BPI: variants seen among roughly 807,000 people sequenced by gnomAD.
BPI encodes the protein bactericidal permeability increasing protein.
In BPI, 48 loss-of-function variants were observed where a neutral mutation model predicts 57.6. The observed-to-expected ratio is 0.83, with a 90% CI of 0.66 to 1.06. The LOEUF is 1.06. Ranked by LOEUF, BPI falls within the 50% of genes least tolerant of loss-of-function variation. The pLI is 0.00. For synonymous variants in BPI, 237 were observed against 238.2 expected (o/e 0.99, Z 0.05); for missense variants, 651 against 609.7 (o/e 1.07, Z -0.71).
chr20:38,313,783 G>T (rs1014544293), intron 5 of BPI, among the ~76,000 whole-genome samples: 1 of 142,780 alleles, frequency 7.0e-6, no homozygotes, highest in African/African-American at 2.5e-5. Flanking sequence ...TGAGGTTGAT[G>T]ATGGTGATGG....
intron 14 of BPI, 110 bp downstream of exon 14, chr20:38,335,784 C>T: frequency 1.9e-6 from 2 of 1,030,742 alleles, no homozygotes; most frequent in Non-Finnish European, 2.9e-6. Context: ...GCCTTCTACC[C>T]TTACAACAAC....
intron 7 of BPI, among the ~76,000 whole-genome samples, chr20:38,322,086 T>C (rs62201522): frequency 0.041 from 6,291 of 152,292 alleles, 386 homozygotes; most frequent in East Asian, 0.3. Flanking sequence ...ATCCATGAAA[T>C]GTCCTCTTGC....
intron 5 of BPI, among the ~76,000 whole-genome samples, chr20:38,314,603 AATGGTG>A (rs1456362470): frequency 5.3e-5 from 2 of 37,920 alleles, no homozygotes; most frequent in African/African-American, 2.2e-4. Context: ...TGATGATAAT[AATGGTG>A]ATGGTGATGG....
Position 38,323,874 on chromosome 20 carries a change from AG to A in BPI, c.762del (p.Glu254AspfsTer17). 1 of 1,613,308 alleles carries A rather than the reference AG, an allele frequency of 6.2e-7. No homozygotes were observed. Among genetic ancestry groups the A allele is most frequent in the Non-Finnish European group, 8.5e-7 (1 of 1,179,688 alleles). On this transcript the variant is annotated frameshift_variant, in exon 8 of 15. Transcript: ENST00000642449. LOFTEE classifies it high-confidence loss of function. ...CTCTGTTGCCTCTACCCCCAGGGGG[AG>A]TTTTACAGTGAGAACCACCACAATC... ...AETLDVQMKG[E>X]FYSENHHNPP... is the part of the protein sequence containing the mutation.
intron 7 of BPI, 72 bp downstream of exon 7, chr20:38,320,346 G>A (rs976860215): frequency 4.4e-5 from 61 of 1,395,884 alleles, no homozygotes; most frequent in Middle Eastern, 2.4e-4. Context: ...CCAGTCCTTG[G>A]AAACAAACTT....
At chr20:38,320,443 G>A (rs2076675658) in intron 7 of BPI, among the ~76,000 whole-genome samples, 169 bp downstream of exon 7, 3 of 148,448 alleles carry the variant, frequency 2.0e-5, no homozygotes, top group African/African-American at 5.0e-5. Flanking sequence ...TGGCCTCCCC[G>A]CCATTCCCCG....
At chr20:38,304,776 G>T (rs1298387326) in intron 1 of BPI, among the ~76,000 whole-genome samples, 1 of 152,218 alleles carries the variant, frequency 6.6e-6, no homozygotes, top group Non-Finnish European at 1.5e-5. Context: ...TCTCCCCACT[G>T]CAGGGGCTGG....
intron 12 of BPI, among the ~76,000 whole-genome samples, chr20:38,331,675 C>T (rs1406095026): frequency 6.6e-6 from 1 of 151,914 alleles, no homozygotes; most frequent in Non-Finnish European, 1.5e-5. Flanking sequence ...AAGACCTCAT[C>T]TCTTATAAAA....
chr20:38,307,432 T>C, intron 1 of BPI, 135 bp from the exon 2 acceptor site: 1 of 613,112 alleles, frequency 1.6e-6, no homozygotes, highest in Non-Finnish European at 2.8e-6. Context: ...AAACCTTAAT[T>C]GATCCCTGTT....
In BPI at chr20:38,336,638, C is replaced by A. The variant is rs1600716692; in HGVS notation, c.1414-508C>A. ...GCCATCAATCCTCAATTCTTTAGAC[C>A]AGGGAGCTAATTAATGGGGCTGAGA... On this transcript the variant is annotated intron_variant, in intron 14 of 14. Transcript: ENST00000642449. Among the ~76,000 whole-genome samples, 7 of 152,160 alleles carry A rather than the reference C, an allele frequency of 4.6e-5. No homozygotes were observed. In the South Asian group the frequency reaches 1.4e-3, roughly 32 times the overall value.
chr20:38,326,246 T>C lies in BPI; in HGVS notation c.994-19T>C, dbSNP rs1227603443. The C allele has an allele frequency of 1.3e-6, 2 of 1,595,738 alleles. No individual in the cohort carries two copies. Among genetic ancestry groups the C allele is most frequent in the Admixed American group, 3.5e-5 (2 of 57,414 alleles). ...CAGAAACTCCTCCTTTCGTTGATTGTCTCCACTGGGGGCTGCAGGTGGCCA... is the reference window on the plus strand; with the variant it reads ...CAGAAACTCCTCCTTTCGTTGATTGCCTCCACTGGGGGCTGCAGGTGGCCA... On this transcript the variant is annotated intron_variant, in intron 9 of 14. Transcript: ENST00000642449.
chr20:38,313,193 T>C (rs1025589175), intron 5 of BPI, among the ~76,000 whole-genome samples: 3 of 152,116 alleles, frequency 2.0e-5, no homozygotes, highest in Non-Finnish European at 2.9e-5. Context: ...AAGACCAGCC[T>C]GACCAAATGG....
At chr20:38,313,883 G>GTAAT (rs2076634514) in intron 5 of BPI, among the ~76,000 whole-genome samples, 1 of 149,658 alleles carries the variant, frequency 6.7e-6, no homozygotes, top group African/African-American at 2.5e-5. Flanking sequence ...GGTAATGATG[G>GTAAT]GATGATGATG....
At chr20:38,311,983 C>T (rs1050034719) in intron 5 of BPI, 46 bp downstream of exon 5, 2 of 1,577,288 alleles carry the variant, frequency 1.3e-6, no homozygotes, top group Non-Finnish European at 1.7e-6. Flanking sequence ...GAGAAGGGCC[C>T]TTAGTAACCA....
At position 38,337,230 on chromosome 20, in the gene BPI, GGGCTGTGGGGCACC is replaced by G. The variant is rs2076772080; in HGVS notation, c.*52_*65del. ...GCTGTCAGCCACACCTGTTCCTGAT[GGGCTGTGGGGCACC>G]GGCTGCCTTTCCCCAGGGAATCCTC... On this transcript the variant is annotated 3_prime_UTR_variant, in exon 15 of 15. Transcript: ENST00000642449. 6.7e-7 allele frequency: 1 copy of G among 1,501,686 alleles called. No individual in the cohort carries two copies. Among genetic ancestry groups the G allele is most frequent in the African/African-American group, 1.4e-5 (1 of 69,524 alleles). 93.0% of individuals were successfully genotyped at this position (1,501,686 alleles called of 1,614,324 possible).
chr20:38,316,664 C>T (rs1267487285), intron 5 of BPI, among the ~76,000 whole-genome samples: 1 of 152,228 alleles, frequency 6.6e-6, no homozygotes, highest in Non-Finnish European at 1.5e-5. Flanking sequence ...GGACTCAGTC[C>T]TGCTGGCAAT....
In BPI at chr20:38,324,014, G is replaced by A; in HGVS notation, c.901G>A (p.Gly301Arg). 10 of 1,614,034 alleles carry A rather than the reference G, an allele frequency of 6.2e-6. No individual in the cohort carries two copies. Among genetic ancestry groups the A allele is most frequent in the Non-Finnish European group, 8.5e-6 (10 of 1,180,012 alleles). Reference sequence around the variant, plus strand: ...AGCCGGGCTTGTATACCAAGAGGCTGGGGTCTTGAAGATGACCCTTAGAGA... The same window carrying A: ...AGCCGGGCTTGTATACCAAGAGGCTAGGGTCTTGAAGATGACCCTTAGAGA... The part of the protein sequence containing the change: ...NTAGLVYQEA[G>R]VLKMTLRDDM... The change falls in exon 8 of 15, where the codon GGG becomes AGG. Residue 301 changes from glycine to arginine, a missense_variant. Gly to Arg is a moderately radical substitution (Grantham distance 125). Transcript: ENST00000642449.
At chr20:38,332,738 T>C (rs891351002) in intron 12 of BPI, among the ~76,000 whole-genome samples, 1 of 152,016 alleles carries the variant, frequency 6.6e-6, no homozygotes, top group African/African-American at 2.4e-5. Context: ...CTCAAGTAGG[T>C]GGTTCGCCTG....
chr20:38,309,810 C>T (rs964800195), intron 3 of BPI, among the ~76,000 whole-genome samples: 3 of 152,160 alleles, frequency 2.0e-5, no homozygotes, highest in East Asian at 1.9e-4. Context: ...GACTGACCAT[C>T]GCTTTAGGAA....
Sources: gnomAD v4.1 joint callset for allele counts (sites outside exome capture counted in the v4.1 genomes callset) on GRCh38, gnomAD v4.1.1 for gene constraint, MANE v1.5 for transcripts, NCBI Gene and HGNC (gene_info 2026-07-23, HGNC 2026-07-21) for gene names.